Variants in LRRK1 observed in about 807,000 individuals in gnomAD.
LRRK1 encodes leucine rich repeat kinase 1, also known as leucine-rich repeat serine/threonine-protein kinase 1.
In LRRK1, 113 loss-of-function variants were observed where a neutral mutation model predicts 209.1. The ratio of observed to expected loss-of-function variants is 0.54; its 90% confidence interval spans 0.46 to 0.63. LRRK1 has a LOEUF of 0.63. LRRK1 is among the 30% of genes least tolerant of loss of function. The probability of loss-of-function intolerance (pLI) is 0.00; values close to 1 mark genes in which losing one functional copy is unlikely to be tolerated. For synonymous variants in LRRK1, 1,144 were observed against 1,099.7 expected (o/e 1.04, Z -0.80); for missense variants, 2,284 against 2,632.2 (o/e 0.87, Z 2.89).
intron 31 of LRRK1, among the ~76,000 whole-genome samples, chr15:101,063,985 C>T (rs770002033): frequency 9.2e-5 from 14 of 152,244 alleles, no homozygotes; most frequent in Admixed American, 3.3e-4. Context: ...ACCTCCTGCA[C>T]GACCAGAGGG....
intron 4 of LRRK1, among the ~76,000 whole-genome samples, chr15:100,987,715 A>G (rs1321420430): frequency 6.6e-6 from 1 of 152,222 alleles, no homozygotes; most frequent in African/African-American, 2.4e-5. Context: ...TTAAACTTGG[A>G]AGAATGAGTA....
In LRRK1 at chr15:100,924,580, T is replaced by C. The variant is rs769641441; in HGVS notation, c.-53T>C. 3.2e-4 allele frequency: 492 copies of C among 1,520,328 alleles called. 5 individuals carry two copies. In the Middle Eastern group the frequency reaches 3.6e-3, roughly 11 times the overall value. 94.2% of individuals were successfully genotyped at this position (1,520,328 alleles called of 1,614,324 possible). ...TAATGCACCCCACAGCCAGCGGCAG[T>C]GGCAGTGACAACAGCGGGACCTGCC... On this transcript the variant is annotated 5_prime_UTR_variant, in exon 2 of 34. Transcript: ENST00000388948.
chr15:100,977,046 A>C (rs116339465), intron 3 of LRRK1, among the ~76,000 whole-genome samples: 1 of 152,198 alleles, frequency 6.6e-6, no homozygotes, highest in East Asian at 1.9e-4. Context: ...TCTAAAAGGT[A>C]GAGAAAAGAA....
chr15:101,000,555 G>A (rs2032634771), intron 6 of LRRK1, among the ~76,000 whole-genome samples: 1 of 152,192 alleles, frequency 6.6e-6, no homozygotes, highest in Admixed American at 6.5e-5. Context: ...TGTTGGAAGG[G>A]TCGGCTTCTC....
In LRRK1 at chr15:101,040,656, A is replaced by G. The variant is rs117612220; in HGVS notation, c.2964-5325A>G. Among the ~76,000 whole-genome samples the G allele has an allele frequency of 3.7e-3, 567 of 152,332 alleles. 2 individuals are homozygous for G. Among genetic ancestry groups the G allele is most frequent in the Admixed American group, 6.1e-3 (93 of 15,300 alleles). On this transcript the variant is annotated intron_variant, in intron 20 of 33. Coordinates refer to ENST00000388948, the MANE Select transcript of LRRK1 (RefSeq NM_024652.6). ...ATTTTCTATGTAAGCATTTAAAGCC[A>G]TAACTTTCTAAGCACTGCTTTATAT...
intron 1 of LRRK1, among the ~76,000 whole-genome samples, chr15:100,923,045 A>C (rs545443003): frequency 1.1e-4 from 17 of 152,310 alleles, no homozygotes; most frequent in African/African-American, 4.1e-4. Flanking sequence ...TGAGGCTGGC[A>C]TCTGCCCTCC....
intron 3 of LRRK1, among the ~76,000 whole-genome samples, chr15:100,979,127 A>G (rs1170912868): frequency 6.6e-6 from 1 of 152,202 alleles, no homozygotes; most frequent in African/African-American, 2.4e-5. Flanking sequence ...TTAATAAACT[A>G]AAAAAGAAAA....
At position 101,065,998 on chromosome 15, in the gene LRRK1, G is replaced by A; in HGVS notation, c.5561G>A (p.Arg1854Lys). ...TCATCCCCACCCCGCCAGGCTGCCAGGTCCCCCTCAAGCCTCCCCAGCTCC... is the reference window on the plus strand; with the variant it reads ...TCATCCCCACCCCGCCAGGCTGCCAAGTCCCCCTCAAGCCTCCCCAGCTCC... ...YSSSPPRQAA[R>K]SPSSLPSSPA... Residue 1854 changes from arginine (R) to lysine (K), a missense_variant, in exon 32 of 34, where the codon AGG (arginine) becomes AAG (lysine). Around this residue, in one of 6 missense-constraint regions of LRRK1, gnomAD observed 643 missense variants for 695.9 expected, o/e 0.92. Coordinates refer to ENST00000388948, the MANE Select transcript of LRRK1 (RefSeq NM_024652.6). 1 of 1,614,058 alleles carries A rather than the reference G, an allele frequency of 6.2e-7. No individual in the cohort carries two copies. The highest frequency in any genetic ancestry group is 8.5e-7 in the Non-Finnish European group (1 of 1,180,014).
intron 2 of LRRK1, among the ~76,000 whole-genome samples, chr15:100,936,064 C>T (rs1324315465): frequency 6.6e-6 from 1 of 152,174 alleles, no homozygotes; most frequent in Non-Finnish European, 1.5e-5. Flanking sequence ...TAGGCCGGCA[C>T]AGGAAATAGA....
At chr15:100,948,967 T>G (rs928294042) in intron 2 of LRRK1, among the ~76,000 whole-genome samples, 2 of 151,148 alleles carry the variant, frequency 1.3e-5, no homozygotes, top group Non-Finnish European at 3.0e-5. Flanking sequence ...CTTAAGAAAC[T>G]AGAAAAAGAA....
chr15:100,968,793 C>A (rs950742631), intron 2 of LRRK1, among the ~76,000 whole-genome samples: 1 of 146,034 alleles, frequency 6.8e-6, no homozygotes, highest in Non-Finnish European at 1.5e-5. Context: ...CTTTCCTTCC[C>A]CTTCCCCTTC....
rs536772576 is a variant in LRRK1, at chr15:101,001,214, C to G, written c.763-7623C>G. 9.0e-4 allele frequency among the ~76,000 whole-genome samples: 137 copies of G among 152,280 alleles called. 3 individuals carry two copies. Among genetic ancestry groups the G allele is most frequent in the African/African-American group, 3.3e-3 (135 of 41,536 alleles). On this transcript the variant is annotated intron_variant, in intron 6 of 33. Transcript: ENST00000388948. The stretch of plus-strand genomic sequence containing the variant: ...TCTCTGTCACTGAATCCCTGTCACT[C>G]AGGGCCCCGTCTGATGGTCTGAGTT...
chr15:100,919,550 G>T lies in LRRK1; in HGVS notation c.-123+99G>T, dbSNP rs914961349. ...GCGCCCGGCGCCCGCGGGGAGCCTCGGCCTCTGCCTGCCCGCGGGCCCCTG... is the reference window on the plus strand; with the variant it reads ...GCGCCCGGCGCCCGCGGGGAGCCTCTGCCTCTGCCTGCCCGCGGGCCCCTG... On this transcript the variant is annotated intron_variant, in intron 1 of 33. Coordinates refer to ENST00000388948, the MANE Select transcript of LRRK1 (RefSeq NM_024652.6). The surrounding 1 kb of genome is among the most constrained non-coding windows in gnomAD (Gnocchi z 5.8). 2.0e-5 allele frequency: 3 copies of T among 147,414 alleles called. No homozygotes were observed. Among genetic ancestry groups the T allele is most frequent in the African/African-American group, 7.3e-5 (3 of 40,950 alleles). 9.1% of individuals were successfully genotyped at this position (147,414 alleles called of 1,614,324 possible). A position where few individuals can be genotyped will look rare whatever the true frequency, so the allele number is the denominator to read the frequency against.
At chr15:100,941,420 GTGTGTGTC>G (rs2042422357) in intron 2 of LRRK1, among the ~76,000 whole-genome samples, 7 of 15,272 alleles carry the variant, frequency 4.6e-4, no homozygotes, top group Admixed American at 7.9e-4. Flanking sequence ...CTCTGTGTGT[GTGTGTGTC>G]TGTGTGTGTG....
chr15:101,006,489 G>T (rs2032965603), intron 6 of LRRK1, among the ~76,000 whole-genome samples: 3 of 151,998 alleles, frequency 2.0e-5, no homozygotes, highest in Non-Finnish European at 2.9e-5. Context: ...TCATGCAATT[G>T]TCAAGGGATC....
At chr15:100,982,818 C>T (rs12719736) in intron 3 of LRRK1, among the ~76,000 whole-genome samples, 30,117 of 152,196 alleles carry the variant, frequency 0.2, 3,548 homozygotes, top group African/African-American at 0.33. Flanking sequence ...CTATGCACAC[C>T]GTCCCCTTCC....
At chr15:100,939,589 C>A (rs188317605) in intron 2 of LRRK1, among the ~76,000 whole-genome samples, 68 of 152,242 alleles carry the variant, frequency 4.5e-4, no homozygotes, top group African/African-American at 1.6e-3. Context: ...AATGGTTTTT[C>A]GACTTTTCAC....
Position 100,944,357 on chromosome 15 carries a change from C to T in LRRK1, c.97+19628C>T, listed in dbSNP as rs1213529949. 3.9e-5 allele frequency among the ~76,000 whole-genome samples: 6 copies of T among 152,218 alleles called. No individual in the cohort carries two copies. In the East Asian group the frequency reaches 7.7e-4, roughly 20 times the overall value. ...AAAACCCAGCTGCAGAGCAGTGCAG[C>T]ACCCAGGAAATGTTAACTCTCGCTG... On this transcript the variant is annotated intron_variant, in intron 2 of 33. Transcript: ENST00000388948.
rs2035719020 is a variant in LRRK1 at position 101,055,095 on chromosome 15, C to T, written c.4204C>T (p.His1402Tyr). Residue 1402 changes from histidine (H) to tyrosine (Y), a missense_variant, in exon 27 of 34, where the codon CAC becomes TAC. Physicochemically the swap from His to Tyr is moderately conservative, Grantham distance 83. This residue lies in a region of LRRK1 where 780 missense variants were observed against 985.2 expected (regional missense o/e 0.79). Transcript: ENST00000388948. ...ILVWSLDVKE[H>Y]INIKLSDYGI... ...GGTGTGGTCCCTTGACGTCAAGGAG[C>T]ACATCAACATCAAGCTATCTGACTA... The T allele has an allele frequency of 3.1e-6, 5 of 1,614,134 alleles. No homozygotes were observed. Among genetic ancestry groups the T allele is most frequent in the Non-Finnish European group, 4.2e-6 (5 of 1,180,002 alleles).
Sources: gnomAD v4.1 joint callset for allele counts (sites outside exome capture counted in the v4.1 genomes callset) on GRCh38, gnomAD v4.1.1 for gene constraint, gnomAD v4.1.1 regional missense constraint, Gnocchi (gnomAD v3.1) non-coding constraint, MANE v1.5 for transcripts, NCBI Gene and HGNC (gene_info 2026-07-23, HGNC 2026-07-21) for gene names.